CNBD1: variants seen among roughly 807,000 people sequenced by gnomAD.
CNBD1 encodes cyclic nucleotide binding domain containing 1.
A neutral mutation model predicts 54.4 loss-of-function variants in CNBD1; 71 were observed. The ratio of observed to expected loss-of-function variants is 1.30; its 90% CI spans 1.08 to 1.59. The LOEUF (loss-of-function observed/expected upper bound fraction) is 1.59. Among genes scored for constraint, CNBD1 ranks in the 40% most tolerant of loss-of-function variants. The pLI is 0.00. For synonymous variants in CNBD1, 182 were observed against 170.7 expected, an observed-to-expected ratio of 1.07 and a Z score of -0.51; for missense variants, 659 against 518.0, an observed-to-expected ratio of 1.27 and a Z score of -2.64.
intron 4 of CNBD1, among the ~76,000 whole-genome samples, chr8:87,154,133 T>C (rs1298751818): frequency 6.6e-6 from 1 of 152,174 alleles, no homozygotes; most frequent in Admixed American, 6.5e-5. Flanking sequence ...AATTCCTACA[T>C]TTTTTCAAGC....
chr8:87,406,543 G>A (rs1807657061), intron 2 of CNBD1, among the ~76,000 whole-genome samples: 1 of 146,414 alleles, frequency 6.8e-6, no homozygotes, highest in Non-Finnish European at 1.5e-5. Context: ...TCAGTGGCAC[G>A]ATCTCAGCTT....
At chr8:87,261,128 A>G (rs1181640206) in intron 6 of CNBD1, among the ~76,000 whole-genome samples, 2 of 152,148 alleles carry the variant, frequency 1.3e-5, no homozygotes, top group African/African-American at 4.8e-5. Context: ...ATTCCCAAAT[A>G]CAATTTGTTC....
At chr8:87,299,792 G>T (rs779748824) in intron 8 of CNBD1, among the ~76,000 whole-genome samples, 1 of 151,356 alleles carries the variant, frequency 6.6e-6, no homozygotes, top group Non-Finnish European at 1.5e-5. Context: ...GGAACACATA[G>T]TGGTAGGATC....
rs551270099 is a variant in CNBD1, at chr8:87,146,287, A to T, written c.432-59706A>T. ...TTGTTATGACTGTTGGAATTATTTT[A>T]AAAATGTTAATCAAATTATCTATAC... On this transcript the variant is annotated intron_variant, in intron 4 of 10. Coordinates refer to ENST00000518476, the MANE Select transcript of CNBD1 (RefSeq NM_173538.3). Among the ~76,000 whole-genome samples, 90 of 152,300 alleles carry T rather than the reference A, an allele frequency of 5.9e-4. 1 individual carries two copies. Among genetic ancestry groups the T allele is most frequent in the Middle Eastern group, 3.4e-3 (1 of 294 alleles).
chr8:87,374,198 T>C (rs1586058711), intron 10 of CNBD1, among the ~76,000 whole-genome samples: 1 of 151,912 alleles, frequency 6.6e-6, no homozygotes, highest in Middle Eastern at 3.4e-3. Flanking sequence ...CACTGAAATA[T>C]AATCATCATT....
Position 87,036,466 on chromosome 8 carries a change from C to T in CNBD1, c.431+96712C>T, listed in dbSNP as rs545395089. ...AAAATTAGCCAGGCGTGGTGGTGGG[C>T]GCCTGTAGTCCCAGCTGCTTGGGAA... On this transcript the variant is annotated intron_variant, in intron 4 of 10. Transcript: ENST00000518476. 5.4e-3 allele frequency among the ~76,000 whole-genome samples: 823 copies of T among 151,762 alleles called. 7 individuals carry two copies. Among genetic ancestry groups the T allele is most frequent in the African/African-American group, 0.019 (769 of 41,402 alleles).
chr8:87,171,048 A>G (rs961567715), intron 4 of CNBD1, among the ~76,000 whole-genome samples: 3 of 152,142 alleles, frequency 2.0e-5, no homozygotes, highest in Non-Finnish European at 4.4e-5. Context: ...GTTTAGAAGT[A>G]TTCCATCCTC....
intron 4 of CNBD1, among the ~76,000 whole-genome samples, chr8:87,100,380 A>C (rs1811406806): frequency 6.6e-6 from 1 of 152,208 alleles, no homozygotes; most frequent in Non-Finnish European, 1.5e-5. Flanking sequence ...CCCTTGAAAA[A>C]TGAAACTATT....
At chr8:87,367,841 A>G (rs773069216) in intron 10 of CNBD1, among the ~76,000 whole-genome samples, 2 of 152,090 alleles carry the variant, frequency 1.3e-5, no homozygotes, top group Non-Finnish European at 2.9e-5. Context: ...AGAGAGAACT[A>G]TGGGGAACCA....
intron 8 of CNBD1, among the ~76,000 whole-genome samples, chr8:87,338,651 T>C (rs113354324): frequency 0.02 from 2,998 of 151,482 alleles, 99 homozygotes; most frequent in African/African-American, 0.066. Flanking sequence ...AAGTATATAG[T>C]TAGATATGTT....
intron 5 of CNBD1, among the ~76,000 whole-genome samples, chr8:87,231,318 C>T (rs1814685090): frequency 6.6e-6 from 1 of 152,010 alleles, no homozygotes; most frequent in Non-Finnish European, 1.5e-5. Flanking sequence ...AACACTATCT[C>T]TAAGCAATAT....
downstream of CNBD1, among the ~76,000 whole-genome samples, chr8:87,385,479 A>G (rs113927078): frequency 1.3e-5 from 2 of 151,848 alleles, no homozygotes; most frequent in Admixed American, 6.6e-5. Flanking sequence ...TATCCTGCAC[A>G]TGTCTCGGAG....
chr8:87,317,699 T>G (rs1251827018), intron 8 of CNBD1, among the ~76,000 whole-genome samples: 1 of 151,974 alleles, frequency 6.6e-6, no homozygotes, highest in African/African-American at 2.4e-5. Context: ...CCATTACACT[T>G]TTAAAAATGT....
intron 5 of CNBD1, among the ~76,000 whole-genome samples, chr8:87,214,477 GTCT>G (rs1814165043): frequency 1.3e-5 from 2 of 151,954 alleles, no homozygotes; most frequent in South Asian, 4.2e-4. Flanking sequence ...ACATTTTCCT[GTCT>G]TCTTCTGAGC....
intron 4 of CNBD1, among the ~76,000 whole-genome samples, chr8:87,199,074 C>A (rs538696845): frequency 6.6e-4 from 100 of 152,308 alleles, no homozygotes; most frequent in South Asian, 1.2e-3. Context: ...AGAAGGAAAG[C>A]TCCCTTACCA....
At chr8:87,252,825 T>G (rs1257477181) in intron 6 of CNBD1, among the ~76,000 whole-genome samples, 4 of 152,018 alleles carry the variant, frequency 2.6e-5, no homozygotes, top group African/African-American at 9.7e-5. Flanking sequence ...TGCTACAGGA[T>G]GTCAGGGGTG....
At chr8:87,383,615 T>G (rs1274813162), downstream of CNBD1, among the ~76,000 whole-genome samples, 7 of 152,066 alleles carry the variant, frequency 4.6e-5, no homozygotes, top group East Asian at 1.4e-3. Context: ...ATTAATGTGT[T>G]TCTTTCTACT....
intron 8 of CNBD1, among the ~76,000 whole-genome samples, chr8:87,301,560 G>A (rs1808992937): frequency 6.6e-6 from 1 of 151,948 alleles, no homozygotes; most frequent in African/African-American, 2.4e-5. Context: ...GTCAATAAAT[G>A]TAATACACCA....
chr8:86,955,770 T>A (rs1807750558), intron 4 of CNBD1, among the ~76,000 whole-genome samples: 1 of 152,220 alleles, frequency 6.6e-6, no homozygotes, highest in African/African-American at 2.4e-5. Context: ...TTGTCTCTTG[T>A]TCTGTAGGTT....
Sources: allele counts gnomAD v4.1 joint callset (sites outside exome capture counted in the v4.1 genomes callset), GRCh38; gene constraint gnomAD v4.1.1; transcripts MANE v1.5; gene names NCBI Gene and HGNC (gene_info 2026-07-23, HGNC 2026-07-21).